The following CDH4 variants were observed in gnomAD, a reference collection of about 807,000 sequenced individuals.
CDH4 encodes cadherin-4.
In CDH4, 33 loss-of-function variants were observed where a neutral mutation model predicts 86.0. The ratio of observed to expected loss-of-function variants is 0.38; its 90% CI spans 0.29 to 0.51. The LOEUF (loss-of-function observed/expected upper bound fraction) is 0.51, where lower values mean the gene tolerates loss of function less well. Ranked by LOEUF, CDH4 falls within the 20% of genes least tolerant of loss-of-function variation. The pLI, the probability that CDH4 is intolerant of heterozygous loss-of-function variation, is 0.86. For missense variants in CDH4, 1,114 were observed against 1,307.4 expected (o/e 0.85, Z 2.28); for synonymous variants, 555 against 549.4 (o/e 1.01, Z -0.14).
intron 2 of CDH4, among the ~76,000 whole-genome samples, chr20:61,706,592 G>C (rs1372343705): frequency 1.3e-5 from 2 of 152,214 alleles, no homozygotes; most frequent in African/African-American, 2.4e-5. Context: ...CTGAGCTGAG[G>C]ACAGGGCCTG....
In CDH4 at chr20:61,306,400, C is replaced by T. The variant is rs569371764; in HGVS notation, c.169+51463C>T. Among the ~76,000 whole-genome samples the T allele has an allele frequency of 1.6e-4, 25 of 152,042 alleles. No homozygotes were observed. In the South Asian group the frequency reaches 1.9e-3, roughly 11 times the overall value. ...TCACCCAGGCTGGAGTACAGTGGCA[C>T]GATCTCGGCTCACTGCAACCTCCGC... On this transcript the variant is annotated intron_variant, in intron 2 of 15. Coordinates refer to ENST00000614565, the MANE Select transcript of CDH4 (RefSeq NM_001794.5).
intron 4 of CDH4, among the ~76,000 whole-genome samples, chr20:61,833,910 G>A (rs1600697363): frequency 1.3e-5 from 2 of 152,292 alleles, no homozygotes; most frequent in African/African-American, 2.4e-5. Flanking sequence ...CCTCCTCTTC[G>A]TCTATGGGAG....
At chr20:61,256,223 G>A (rs761139643) in intron 2 of CDH4, among the ~76,000 whole-genome samples, 33 of 152,068 alleles carry the variant, frequency 2.2e-4, no homozygotes, top group Non-Finnish European at 4.0e-4. Flanking sequence ...TGCGTTGGAC[G>A]GTCTCTTATA....
intron 2 of CDH4, among the ~76,000 whole-genome samples, chr20:61,359,728 C>G (rs2084773728): frequency 6.6e-6 from 1 of 152,234 alleles, no homozygotes. Flanking sequence ...TCTGCACAAA[C>G]TGCTCCCATC....
Position 61,457,916 on chromosome 20 carries a change from G to A in CDH4, c.169+202979G>A, listed in dbSNP as rs10211775. ...TGGTGGTGATGGTCATGGTCATGAC[G>A]GTGATGGCAGTGCTGACACTGTGGT... On this transcript the variant is annotated intron_variant, in intron 2 of 15. Transcript: ENST00000614565. Among the ~76,000 whole-genome samples, 1,397 of 150,544 alleles carry A rather than the reference G, an allele frequency of 9.3e-3. 27 individuals are homozygous for A. Among genetic ancestry groups the A allele is most frequent in the African/African-American group, 0.033 (1,351 of 40,680 alleles).
chr20:61,883,162 C>A (rs1039782118), intron 7 of CDH4, among the ~76,000 whole-genome samples: 1 of 150,688 alleles, frequency 6.6e-6, no homozygotes, highest in Admixed American at 6.6e-5. Context: ...TACAGCATTC[C>A]TCCCGAGACC....
At chr20:61,820,327 G>A (rs1443760464) in intron 4 of CDH4, among the ~76,000 whole-genome samples, 1 of 152,226 alleles carries the variant, frequency 6.6e-6, no homozygotes, top group African/African-American at 2.4e-5. Flanking sequence ...GTGTCCGTGG[G>A]GGACGTATGC....
At chr20:61,604,930 C>A (rs2086631091) in intron 2 of CDH4, among the ~76,000 whole-genome samples, 1 of 152,036 alleles carries the variant, frequency 6.6e-6, no homozygotes, top group African/African-American at 2.4e-5. Context: ...CAGGTTCCTG[C>A]TGTCACCATC....
intron 2 of CDH4, chr20:61,570,409 G>T: frequency 4.4e-6 from 2 of 455,854 alleles, no homozygotes; most frequent in Non-Finnish European, 7.9e-6. Flanking sequence ...GGCTGCAGAC[G>T]TACACTTTGG....
intron 2 of CDH4, among the ~76,000 whole-genome samples, chr20:61,661,091 G>GT (rs376383711): frequency 5.6e-5 from 8 of 144,054 alleles, no homozygotes; most frequent in Admixed American, 2.7e-4. Flanking sequence ...TGGCGGGGGG[G>GT]GGGGAGACAC....
chr20:61,501,743 C>T lies in CDH4; in HGVS notation c.170-241820C>T, dbSNP rs530765822. ...AAGCACCACCCCGCCACTGCCTCCA[C>T]CATTCGTTAGGGAGCCACTCATTAT... is the stretch of plus-strand genomic sequence containing the variant. On this transcript the variant is annotated intron_variant, in intron 2 of 15. Coordinates refer to ENST00000614565, the MANE Select transcript of CDH4 (RefSeq NM_001794.5). This position sits in a 1 kb window ranked among gnomAD's most constrained non-coding sequence, Gnocchi z 4.2. Among the ~76,000 whole-genome samples, 221 of 152,312 alleles carry T rather than the reference C, an allele frequency of 1.5e-3. 1 individual carries two copies. The highest frequency in any genetic ancestry group is 2.2e-4 in the Non-Finnish European group (15 of 68,038).
intron 2 of CDH4, among the ~76,000 whole-genome samples, chr20:61,439,227 G>GGTGTGCATTTCGGTTGTGCTGCA (rs764451804): frequency 0.16 from 24,987 of 151,948 alleles, 2,118 homozygotes; most frequent in Non-Finnish European, 0.18. Flanking sequence ...AGGGTGTTGC[G>GGTGTGCATTTCGGTTGTGCTGCA]GTGTGCGTTT....
intron 2 of CDH4, among the ~76,000 whole-genome samples, chr20:61,281,859 A>G (rs2123163717): frequency 6.6e-6 from 1 of 152,362 alleles, no homozygotes; most frequent in South Asian, 2.1e-4. Flanking sequence ...CACGAAAGAA[A>G]ACACACTGGC....
At chr20:61,293,736 C>G (rs1393316855) in intron 2 of CDH4, among the ~76,000 whole-genome samples, 1 of 152,196 alleles carries the variant, frequency 6.6e-6, no homozygotes, top group East Asian at 1.9e-4. Context: ...ATTATGAGCC[C>G]TTCAGCCTGG....
At chr20:61,778,404 C>T (rs1406676468) in intron 4 of CDH4, among the ~76,000 whole-genome samples, 3 of 152,026 alleles carry the variant, frequency 2.0e-5, no homozygotes, top group Admixed American at 6.5e-5. Flanking sequence ...TACTCTTCCC[C>T]AAAAAAAGTC....
intron 2 of CDH4, among the ~76,000 whole-genome samples, chr20:61,615,216 G>A (rs575276527): frequency 6.6e-5 from 10 of 151,998 alleles, no homozygotes; most frequent in East Asian, 3.9e-4. Context: ...CCACATCCTG[G>A]GTTCAAGCGA....
intron 4 of CDH4, among the ~76,000 whole-genome samples, chr20:61,809,244 G>A (rs576740736): frequency 1.1e-4 from 17 of 152,242 alleles, no homozygotes; most frequent in East Asian, 3.9e-4. Context: ...TGGTGGTCCC[G>A]GGGATGGTCA....
At chr20:61,847,149 A>G (rs148768669) in intron 5 of CDH4, among the ~76,000 whole-genome samples, 164 of 152,294 alleles carry the variant, frequency 1.1e-3, no homozygotes, top group African/African-American at 3.8e-3. Flanking sequence ...TTTCTCCTCC[A>G]TGGATTCTCA....
At chr20:61,418,628 G>T (rs942357372) in intron 2 of CDH4, among the ~76,000 whole-genome samples, 3 of 152,290 alleles carry the variant, frequency 2.0e-5, no homozygotes, top group East Asian at 1.9e-4. Flanking sequence ...GTGAAATCGC[G>T]TGTGGAGGAG....
Sources: gnomAD v4.1 joint callset for allele counts (sites outside exome capture counted in the v4.1 genomes callset) on GRCh38, gnomAD v4.1.1 for gene constraint, Gnocchi (gnomAD v3.1) non-coding constraint, MANE v1.5 for transcripts, NCBI Gene and HGNC (gene_info 2026-07-23, HGNC 2026-07-21) for gene names.